Variants in PRKCH observed in about 807,000 individuals in gnomAD.
PRKCH encodes the protein protein kinase C eta.
Under a neutral mutation model 82.5 loss-of-function variants are expected in PRKCH, and 28 were observed. That is an observed-to-expected ratio of 0.34 (90% CI 0.25 to 0.47). The LOEUF is 0.47. Among genes scored for constraint, PRKCH ranks in the 20% least tolerant of loss-of-function variants. The pLI, the probability that PRKCH is intolerant of heterozygous loss-of-function variation, is 1.00. For missense variants in PRKCH, 705 were observed against 881.8 expected, an observed-to-expected ratio of 0.80 and a Z score of 2.54; for synonymous variants, 322 against 327.4, an observed-to-expected ratio of 0.98 and a Z score of 0.18.
At chr14:61,457,999 G>C (rs1353685681) in intron 9 of PRKCH, among the ~76,000 whole-genome samples, 1 of 152,238 alleles carries the variant, frequency 6.6e-6, no homozygotes, top group Non-Finnish European at 1.5e-5. Context: ...TCTAAGAACA[G>C]AGAAAATGCC....
At position 61,190,684 on chromosome 14, in the gene PRKCH, C is replaced by T. The variant is rs79651335; in HGVS notation, c.-19+3016C>T. ...TCTTGCTGTGTTTCCACTCTAGGAC[C>T]ACTCTCCCACCTTTCTATTCTCTTG... On this transcript the variant is annotated intron_variant, in intron 1 of 3. Transcript: ENST00000555185. Among the ~76,000 whole-genome samples, 1,240 of 152,224 alleles carry T rather than the reference C, an allele frequency of 8.1e-3. 22 individuals are homozygous for T. The highest frequency in any genetic ancestry group is 0.068 in the East Asian group (351 of 5,164).
chr14:61,239,454 G>A (rs1225851994), intron 1 of PRKCH, among the ~76,000 whole-genome samples: 3 of 152,160 alleles, frequency 2.0e-5, no homozygotes, highest in Non-Finnish European at 2.9e-5. Flanking sequence ...CTGTAAACAG[G>A]AAGTGTCTCA....
intron 1 of PRKCH, among the ~76,000 whole-genome samples, chr14:61,229,883 C>A (rs755340875): frequency 2.0e-5 from 3 of 152,118 alleles, no homozygotes; most frequent in African/African-American, 7.2e-5. Context: ...GCAATGTCGA[C>A]GGCATGGGCT....
At chr14:61,320,548 G>A (rs1223607367), upstream of PRKCH, among the ~76,000 whole-genome samples, 1 of 152,136 alleles carries the variant, frequency 6.6e-6, no homozygotes, top group Admixed American at 6.5e-5. Flanking sequence ...GCGGTGAGCC[G>A]AGATGGCGCC....
At chr14:61,444,877 C>T (rs999151296) in intron 3 of PRKCH, among the ~76,000 whole-genome samples, 1 of 152,110 alleles carries the variant, frequency 6.6e-6, no homozygotes, top group African/African-American at 2.4e-5. Context: ...TCATTAGAGC[C>T]CTGTGCAGTA....
chr14:61,408,104 T>C (rs1273710382), intron 2 of PRKCH, among the ~76,000 whole-genome samples: 30 of 152,310 alleles, frequency 2.0e-4, no homozygotes, highest in South Asian at 1.0e-3. Context: ...CATGTTTTAG[T>C]GAGAAGGATC....
intron 2 of PRKCH, among the ~76,000 whole-genome samples, chr14:61,413,807 A>T (rs1198767545): frequency 6.6e-6 from 1 of 152,040 alleles, no homozygotes; most frequent in African/African-American, 2.4e-5. Flanking sequence ...TTTCTCTTCC[A>T]GCCGCTACTT....
rs1884841971 is a variant in PRKCH, at chr14:61,457,683, A to C, written c.1278+4A>C. ...GTTCTGCTGCTTTCAGACCCCCGTA[A>C]GTATGAATCACATTCACTGCACCAA... On this transcript the variant is annotated splice_donor_region_variant and intron_variant, in intron 9 of 13. Transcript: ENST00000332981. 1 of 1,613,654 alleles carries C rather than the reference A, an allele frequency of 6.2e-7. No homozygotes were observed. Among genetic ancestry groups the C allele is most frequent in the Admixed American group, 1.7e-5 (1 of 59,998 alleles).
intron 1 of PRKCH, among the ~76,000 whole-genome samples, chr14:61,189,761 T>C (rs1322853708): frequency 1.3e-5 from 2 of 151,874 alleles, no homozygotes; most frequent in Non-Finnish European, 2.9e-5. Flanking sequence ...TTTTCCTCTC[T>C]CATCACTCGC....
At chr14:61,267,718 C>T (rs2140084008) in intron 1 of PRKCH, among the ~76,000 whole-genome samples, 1 of 152,230 alleles carries the variant, frequency 6.6e-6, no homozygotes, top group Non-Finnish European at 1.5e-5. Flanking sequence ...CAGTTAATGC[C>T]ATCTTATGTC....
intron 10 of PRKCH, among the ~76,000 whole-genome samples, chr14:61,504,047 G>T (rs1444121566): frequency 6.6e-6 from 1 of 152,096 alleles, no homozygotes; most frequent in Non-Finnish European, 1.5e-5. Context: ...TTAAAAAATT[G>T]TTTTAACTTT....
intron 1 of PRKCH, among the ~76,000 whole-genome samples, chr14:61,209,075 A>G (rs555875072): frequency 2.6e-5 from 4 of 152,250 alleles, no homozygotes; most frequent in South Asian, 2.1e-4. Context: ...TGGCTTTGCT[A>G]TTGAGAGAGT....
At chr14:61,408,802 C>T (rs1882100822) in intron 2 of PRKCH, among the ~76,000 whole-genome samples, 1 of 152,156 alleles carries the variant, frequency 6.6e-6, no homozygotes, top group African/African-American at 2.4e-5. Flanking sequence ...CCTTTCTCGG[C>T]CATTGCTTCA....
chr14:61,511,899 G>A (rs1219749238), intron 10 of PRKCH, among the ~76,000 whole-genome samples: 1 of 152,186 alleles, frequency 6.6e-6, no homozygotes, highest in Non-Finnish European at 1.5e-5. Flanking sequence ...TGGAAAGGCT[G>A]TAAAACTCAG....
intron 1 of PRKCH, among the ~76,000 whole-genome samples, chr14:61,208,390 G>C (rs1440522325): frequency 1.3e-5 from 2 of 152,066 alleles, no homozygotes; most frequent in Non-Finnish European, 2.9e-5. Flanking sequence ...AGTTCTCAGT[G>C]ACTTTGTAAT....
chr14:61,361,881 T>C lies in PRKCH; in HGVS notation c.364-29344T>C, dbSNP rs2046229594. Among the ~76,000 whole-genome samples, 3 of 152,346 alleles carry C rather than the reference T, an allele frequency of 2.0e-5. No individual in the cohort carries two copies. In the South Asian group the frequency reaches 6.2e-4, roughly 32 times the overall value. On this transcript the variant is annotated intron_variant, in intron 1 of 13. Transcript: ENST00000332981. ...GTTTATTTAAGTTTTACCATGCATA[T>C]CTACTTAGTGTTATCAAACTATAAG...
chr14:61,457,374 G>A, intron 8 of PRKCH, 55 bp downstream of exon 8: 2 of 1,574,864 alleles, frequency 1.3e-6, no homozygotes, highest in Non-Finnish European at 1.7e-6. Context: ...GTGTATGGGG[G>A]GTGTGTGTGT....
chr14:61,319,144 C>T (rs1414429060), upstream of PRKCH, among the ~76,000 whole-genome samples: 3 of 152,148 alleles, frequency 2.0e-5, no homozygotes, highest in African/African-American at 7.2e-5. Flanking sequence ...CTCATTTCAG[C>T]CACTCTCCCC....
At chr14:61,331,759 A>G (rs975393941) in intron 1 of PRKCH, among the ~76,000 whole-genome samples, 1 of 152,212 alleles carries the variant, frequency 6.6e-6, no homozygotes, top group African/African-American at 2.4e-5. Context: ...GTGTTAGGCA[A>G]TCACATAATT....
Sources: gnomAD v4.1 joint callset for allele counts (sites outside exome capture counted in the v4.1 genomes callset) on GRCh38, gnomAD v4.1.1 for gene constraint, MANE v1.5 for transcripts, NCBI Gene and HGNC (gene_info 2026-07-23, HGNC 2026-07-21) for gene names.